ITK: variants seen among roughly 807,000 people sequenced by gnomAD.
ITK encodes tyrosine-protein kinase ITK/TSK.
A neutral mutation model predicts 87.6 loss-of-function variants in ITK; 45 were observed. The ratio of observed to expected loss-of-function variants is 0.51; its 90% CI spans 0.40 to 0.66. ITK has a LOEUF of 0.66. Ranked by LOEUF, ITK falls within the 30% of genes least tolerant of loss-of-function variation. ITK has a pLI of 0.00. For synonymous variants in ITK, 303 were observed against 273.6 expected (o/e 1.11, Z -1.06); for missense variants, 605 against 766.3 (o/e 0.79, Z 2.48).
chr5:157,218,708 A>C (rs1034125910), intron 5 of ITK, among the ~76,000 whole-genome samples: 6 of 152,174 alleles, frequency 3.9e-5, no homozygotes, highest in Non-Finnish European at 5.9e-5. Flanking sequence ...ATCCCAAGAC[A>C]GGTCTTGAGG....
At chr5:157,225,322 C>T (rs141922511) in intron 6 of ITK, among the ~76,000 whole-genome samples, 662 of 152,244 alleles carry the variant, frequency 4.3e-3, no homozygotes, top group Non-Finnish European at 6.7e-3. Flanking sequence ...AACTGTGCAA[C>T]AGTTAAGTCA....
At chr5:157,204,809 C>A (rs1754047410) in intron 1 of ITK, among the ~76,000 whole-genome samples, 2 of 152,182 alleles carry the variant, frequency 1.3e-5, no homozygotes, top group Admixed American at 1.3e-4. Flanking sequence ...AGATTTTGTA[C>A]TTTCAATAAT....
At chr5:157,251,276 G>A (rs1561666946) in intron 16 of ITK, among the ~76,000 whole-genome samples, 1 of 152,170 alleles carries the variant, frequency 6.6e-6, no homozygotes, top group Non-Finnish European at 1.5e-5. Context: ...ATTTTCATAT[G>A]CTTATTTGCC....
intron 10 of ITK, 170 bp downstream of exon 10, chr5:157,240,365 T>C (rs1754864789): frequency 1.5e-6 from 1 of 677,752 alleles, no homozygotes; most frequent in East Asian, 2.7e-5. Flanking sequence ...TGTGTGCTCC[T>C]TATAAGAATC....
At chr5:157,230,994 A>G (rs1358395074) in intron 7 of ITK, among the ~76,000 whole-genome samples, 1 of 152,262 alleles carries the variant, frequency 6.6e-6, no homozygotes, top group African/African-American at 2.4e-5. Flanking sequence ...GATATTTAGT[A>G]TATAACTGGA....
At position 157,192,682 on chromosome 5, in the gene ITK, A is replaced by G. The variant is rs115998367; in HGVS notation, c.138+11567A>G. Reference sequence around the variant, plus strand: ...CACCATCCCCACATATAAAACAGAGAGAAGTGGAAGTTCTCTGCTTGAAGC... The same window carrying G: ...CACCATCCCCACATATAAAACAGAGGGAAGTGGAAGTTCTCTGCTTGAAGC... On this transcript the variant is annotated intron_variant, in intron 1 of 16. Transcript: ENST00000422843. Among the ~76,000 whole-genome samples, 251 of 152,378 alleles carry G rather than the reference A, an allele frequency of 1.6e-3. 1 individual carries two copies. The highest frequency in any genetic ancestry group is 4.8e-3 in the African/African-American group (201 of 41,586).
intron 1 of ITK, among the ~76,000 whole-genome samples, chr5:157,187,378 A>T (rs746523233): frequency 1.2e-4 from 18 of 152,230 alleles, no homozygotes; most frequent in Admixed American, 5.9e-4. Flanking sequence ...TGTGGAGGGA[A>T]TAAAAGGAGA....
rs773451040 is a variant in ITK, at chr5:157,245,917, C to T, written c.1551C>T (p.Gly517=). ...ATGATCAGTACACCAGTTCCACAGG[C>T]ACCAAATTCCCGGTGAAGTGGGCAT... ...VLDDQYTSST[G]TKFPVKWASP... Residue 517 remains glycine (G), a synonymous_variant, in exon 15 of 17, where the codon GGC becomes GGT. Transcript: ENST00000422843. 2.2e-5 allele frequency: 35 copies of T among 1,614,032 alleles called. No homozygotes were observed. Among genetic ancestry groups the T allele is most frequent in the Non-Finnish European group, 2.7e-5 (32 of 1,179,990 alleles).
At chr5:157,213,727 C>CT (rs35462913) in intron 3 of ITK, 34 of 343,768 alleles carry the variant, frequency 9.9e-5, no homozygotes, top group Admixed American at 1.2e-4. Flanking sequence ...GCAGACCCCC[C>CT]TTTTTTTTCC....
At position 157,180,854 on chromosome 5, in the gene ITK, GT is replaced by G. The variant is rs1580869132; in HGVS notation, c.-122del. 7 of 872,776 alleles carry G rather than the reference GT, an allele frequency of 8.0e-6. No homozygotes were observed. The East Asian group carries it at 1.5e-4, about 19-fold the overall frequency. 54.1% of individuals were successfully genotyped at this position (872,776 alleles called of 1,614,324 possible). A position where few individuals can be genotyped will look rare whatever the true frequency, so the allele number is the denominator to read the frequency against. ...GATAGAAAGATAACGTTGAAGGCAA[GT>G]TGCCCTTGAGCAGCTCTCTGAAGAT... On this transcript the variant is annotated 5_prime_UTR_variant, in exon 1 of 17. Transcript: ENST00000422843.
chr5:157,215,266 C>T (rs1754276242), intron 4 of ITK, among the ~76,000 whole-genome samples: 1 of 152,134 alleles, frequency 6.6e-6, no homozygotes, highest in African/African-American at 2.4e-5. Flanking sequence ...CCTCTTTTGC[C>T]ATAGTTTCCC....
At chr5:157,218,020 G>GC in intron 5 of ITK, 113 bp downstream of exon 5, 2 of 967,170 alleles carry the variant, frequency 2.1e-6, no homozygotes, top group Non-Finnish European at 3.4e-6. Flanking sequence ...GCTGCATGCA[G>GC]CAGGCTGTCA....
chr5:157,191,281 G>A (rs1295280688), intron 1 of ITK, among the ~76,000 whole-genome samples: 2 of 151,998 alleles, frequency 1.3e-5, no homozygotes, highest in African/African-American at 4.8e-5. Flanking sequence ...GGGGTACTTT[G>A]TCCAGAATCA....
chr5:157,186,231 G>A (rs946614693), intron 1 of ITK, among the ~76,000 whole-genome samples: 1 of 152,114 alleles, frequency 6.6e-6, no homozygotes, highest in African/African-American at 2.4e-5. Flanking sequence ...CAGTGTAAAG[G>A]ACAGTCCTGA....
chr5:157,249,030 C>T, intron 16 of ITK, 23 bp downstream of exon 16: 2 of 1,608,184 alleles, frequency 1.2e-6, no homozygotes, highest in Non-Finnish European at 1.7e-6. Context: ...AGTGCTTCCC[C>T]ATGCATTGTC....
intron 5 of ITK, among the ~76,000 whole-genome samples, chr5:157,218,894 C>G (rs535109847): frequency 6.6e-6 from 1 of 152,110 alleles, no homozygotes; most frequent in African/African-American, 2.4e-5. Flanking sequence ...GTGTCCAAAA[C>G]GCTGGGGGAG....
intron 1 of ITK, among the ~76,000 whole-genome samples, chr5:157,186,380 A>AAG (rs1029144390): frequency 5.8e-4 from 88 of 150,858 alleles, no homozygotes; most frequent in African/African-American, 1.9e-3. Flanking sequence ...AAAAAAAAAA[A>AAG]AGAGAGAGAG....
At chr5:157,181,145 CGCATAGCATTTTATGTTTGGACTGG>C in intron 1 of ITK, 30 bp downstream of exon 1, 1 of 1,612,730 alleles carries the variant, frequency 6.2e-7, no homozygotes. Flanking sequence ...TGTCTTTTTT[CGCATAGCATTTTATGTTTGGACTGG>C]GCTAATGCAA....
In ITK at chr5:157,252,848, C is replaced by T. The variant is rs914011146; in HGVS notation, c.*170C>T. On this transcript the variant is annotated 3_prime_UTR_variant, in exon 17 of 17. Transcript: ENST00000422843. ...GAAGCAGCATCCTGACCACAGCTGG[C>T]AGTCAAGCCACAGCTGGAGGGTCAG... 2.4e-5 allele frequency: 16 copies of T among 662,988 alleles called. No homozygotes were observed. In the East Asian group the frequency reaches 4.1e-4, roughly 17 times the overall value. The allele number at this position is 662,988 out of a possible 1,614,324, so 41.1% of individuals were successfully genotyped here. A position where few individuals can be genotyped will look rare whatever the true frequency, so the allele number is the denominator to read the frequency against.
Sources: gnomAD v4.1 joint callset for allele counts (sites outside exome capture counted in the v4.1 genomes callset) on GRCh38, gnomAD v4.1.1 for gene constraint, MANE v1.5 for transcripts, NCBI Gene and HGNC (gene_info 2026-07-23, HGNC 2026-07-21) for gene names.